The following TMEM63A variants were observed in gnomAD, a reference collection of about 807,000 sequenced individuals.
TMEM63A encodes mechanosensitive cation channel TMEM63A.
A neutral mutation model predicts 100.6 loss-of-function variants in TMEM63A; 76 were observed. The observed-to-expected ratio is 0.76, with a 90% CI of 0.63 to 0.91. The LOEUF is 0.91. Among genes scored for constraint, TMEM63A ranks in the 40% least tolerant of loss-of-function variants. The pLI, the probability that TMEM63A is intolerant of heterozygous loss-of-function variation, is 0.00. For synonymous variants in TMEM63A, 401 were observed against 401.1 expected, an observed-to-expected ratio of 1.00 and a Z score of 0.00; for missense variants, 876 against 1,008.8, an observed-to-expected ratio of 0.87 and a Z score of 1.78.
At chr1:225,845,297 C>G, downstream of TMEM63A, 1 of 1,612,704 alleles carries the variant, frequency 6.2e-7, no homozygotes. Context: ...GGAGCCGGAG[C>G]TGCTCGCCCA....
At chr1:225,845,354 C>A, downstream of TMEM63A, 2 of 1,590,036 alleles carry the variant, frequency 1.3e-6, no homozygotes, top group South Asian at 1.1e-5. Flanking sequence ...ATGACCCACC[C>A]CTCTCCCCCC....
In TMEM63A at chr1:225,867,967, G is replaced by A. The variant is rs1268817765; in HGVS notation, c.435C>T (p.His145=). 2.5e-6 allele frequency: 4 copies of A among 1,614,076 alleles called. No individual in the cohort carries two copies. The African/African-American group carries it at 4.0e-5, about 16-fold the overall frequency. ...TGACCACCACCAACAGGAAGATGAT[G>A]TGCCTCTGGAAGGACAGGTAGTGGA... ...DAIHYLSFQR[H]IIFLLVVVSF... The change falls in exon 7 of 25, where the codon CAC becomes CAT. Residue 145 remains histidine (H), a synonymous_variant. Transcript: ENST00000366835. The surrounding 1 kb of genome is among the most constrained non-coding windows in gnomAD (Gnocchi z 4.6).
chr1:225,877,714 A>G, intron 2 of TMEM63A, 120 bp from the exon 3 acceptor site: 1 of 895,338 alleles, frequency 1.1e-6, no homozygotes, highest in Non-Finnish European at 1.6e-6. Flanking sequence ...GCAGTGAGCC[A>G]GCAGCAAGGA....
chr1:225,844,271 G>C (rs1211242601), downstream of TMEM63A, among the ~76,000 whole-genome samples: 2 of 152,030 alleles, frequency 1.3e-5, no homozygotes, highest in Non-Finnish European at 2.9e-5. Context: ...AGGTGGGTGG[G>C]GGGAGGACCT....
chr1:225,862,160 T>C lies in TMEM63A; in HGVS notation c.1085+58A>G. ...ATCTCCACTCGAGAGGGACAGTGAG[T>C]TATCTGGAGGGGAACAGGGAGTCAG... On this transcript the variant is annotated intron_variant, in intron 13 of 24. Coordinates refer to ENST00000366835, the MANE Select transcript of TMEM63A (RefSeq NM_014698.3). The surrounding 1 kb of genome is among the most constrained non-coding windows in gnomAD (Gnocchi z 5.1). The C allele has an allele frequency of 6.2e-7, 1 of 1,600,564 alleles. No individual in the cohort carries two copies. The highest frequency in any genetic ancestry group is 8.5e-7 in the Non-Finnish European group (1 of 1,172,548).
downstream of TMEM63A, among the ~76,000 whole-genome samples, chr1:225,841,658 G>C (rs1225087959): frequency 1.4e-5 from 2 of 142,512 alleles, no homozygotes; most frequent in African/African-American, 2.7e-5. Flanking sequence ...CTAGAGTGCA[G>C]TGGTACGATC....
chr1:225,871,152 G>T (rs1411279628), intron 5 of TMEM63A, 39 bp from the exon 6 acceptor site: 6 of 1,605,756 alleles, frequency 3.7e-6, no homozygotes, highest in East Asian at 4.5e-5. Flanking sequence ...TCCAACATTT[G>T]TGTCTTTGAG....
At chr1:225,881,353 C>T (rs1325308326) in intron 1 of TMEM63A, among the ~76,000 whole-genome samples, 1 of 151,994 alleles carries the variant, frequency 6.6e-6, no homozygotes, top group African/African-American at 2.4e-5. Context: ...CCAAACAACA[C>T]CTGTAAAGCA....
rs1488923639 is a variant in TMEM63A, at chr1:225,872,038, C to G, written c.282G>C (p.Gln94His). 1 of 1,612,004 alleles carries G rather than the reference C, an allele frequency of 6.2e-7. No individual in the cohort carries two copies. The highest frequency in any genetic ancestry group is 1.3e-5 in the African/African-American group (1 of 74,546). ...CTGAGGAGGAAGTCGATGACAATCT[C>G]TGAAATCTGGACTCGCTAGAGACAC... ...VSEADSESRF[Q>H]RLSSTSSSGQ... Residue 94 changes from glutamine to histidine, a missense_variant, in exon 5 of 25, where the codon CAG becomes CAC. Gln to His is a conservative substitution (Grantham distance 24, BLOSUM62 0). Coordinates refer to ENST00000366835, the MANE Select transcript of TMEM63A (RefSeq NM_014698.3).
rs1670006259 is a variant in TMEM63A, at chr1:225,862,728, CAAGG to C, written c.827+39_827+42del. On this transcript the variant is annotated intron_variant, in intron 11 of 24. Transcript: ENST00000366835. The surrounding 1 kb of genome is among the most constrained non-coding windows in gnomAD (Gnocchi z 5.1). ...TCCTAGCTGGGAGATGCGAGGCCAG[CAAGG>C]AAGGAGGGGGCATCTTGCAAGGCCC... is the stretch of plus-strand genomic sequence containing the variant. The C allele has an allele frequency of 6.2e-7, 1 of 1,613,036 alleles. No individual in the cohort carries two copies. Among genetic ancestry groups the C allele is most frequent in the South Asian group, 1.1e-5 (1 of 91,022 alleles).
rs896394130 is a variant in TMEM63A at position 225,867,378 on chromosome 1, T to A, written c.515-215A>T. Among the ~76,000 whole-genome samples, 2 of 152,152 alleles carry A rather than the reference T, an allele frequency of 1.3e-5. No homozygotes were observed. The highest frequency in any genetic ancestry group is 2.4e-5 in the African/African-American group (1 of 41,426). On this transcript the variant is annotated intron_variant, in intron 7 of 24. Coordinates refer to ENST00000366835, the MANE Select transcript of TMEM63A (RefSeq NM_014698.3). This position sits in a 1 kb window ranked among gnomAD's most constrained non-coding sequence, Gnocchi z 4.6. Reference sequence around the variant, plus strand: ...TAACTTCTCAACCTTCCATTGCAGGTAAAGGCATAATGTGAATTCATTTTG... The same window carrying A: ...TAACTTCTCAACCTTCCATTGCAGGAAAAGGCATAATGTGAATTCATTTTG...
chr1:225,880,563 T>C (rs912825402), intron 1 of TMEM63A, among the ~76,000 whole-genome samples: 6 of 152,192 alleles, frequency 3.9e-5, no homozygotes, highest in African/African-American at 1.4e-4. Flanking sequence ...CCTAGATGTA[T>C]GTGAATGCCT....
rs868851244 is a variant in TMEM63A, at chr1:225,865,577, C to T, written c.746+320G>A. On this transcript the variant is annotated intron_variant, in intron 10 of 24. Coordinates refer to ENST00000366835, the MANE Select transcript of TMEM63A (RefSeq NM_014698.3). The surrounding 1 kb of genome is among the most constrained non-coding windows in gnomAD (Gnocchi z 4.6). ...TATTCTGCAAAGGTGATGCTAAGAA[C>T]CCCGGGGTCAACAATTTTTTCCCCC... The T allele has an allele frequency of 1.3e-4, 36 of 277,660 alleles. No individual in the cohort carries two copies. Among genetic ancestry groups the T allele is most frequent in the African/African-American group, 7.2e-4 (34 of 47,098 alleles). 17.2% of individuals were successfully genotyped at this position (277,660 alleles called of 1,614,324 possible). A position where few individuals can be genotyped will look rare whatever the true frequency, so the allele number is the denominator to read the frequency against.
chr1:225,869,229 A>G (rs1322412939), intron 6 of TMEM63A, among the ~76,000 whole-genome samples: 1 of 152,204 alleles, frequency 6.6e-6, no homozygotes, highest in Non-Finnish European at 1.5e-5. Context: ...GCAGGGGCTC[A>G]AGAGATAATA....
Position 225,867,198 on chromosome 1 carries a change from A to C in TMEM63A, c.515-35T>G. 6.2e-7 allele frequency: 1 copy of C among 1,612,396 alleles called. No individual in the cohort carries two copies. Among genetic ancestry groups the C allele is most frequent in the East Asian group, 2.2e-5 (1 of 44,860 alleles). On this transcript the variant is annotated intron_variant, in intron 7 of 24. Coordinates refer to ENST00000366835, the MANE Select transcript of TMEM63A (RefSeq NM_014698.3). The surrounding 1 kb of genome is among the most constrained non-coding windows in gnomAD (Gnocchi z 4.6). ...AGCACAGATACTTAGTTCCAGGGTC[A>C]TGTGGGGAAGCAGGAGGGGGCGTAA... is the stretch of plus-strand genomic sequence containing the variant.
intron 3 of TMEM63A, among the ~76,000 whole-genome samples, chr1:225,875,092 A>C (rs1196468836): frequency 1.3e-5 from 2 of 152,222 alleles, no homozygotes; most frequent in Non-Finnish European, 2.9e-5. Context: ...GCTGAGCCAG[A>C]AACGGTCAGT....
At chr1:225,842,159 T>C (rs955262886), downstream of TMEM63A, among the ~76,000 whole-genome samples, 1 of 152,218 alleles carries the variant, frequency 6.6e-6, no homozygotes, top group Non-Finnish European at 1.5e-5. Flanking sequence ...TGGGAAGGTA[T>C]CGTCCCTGTT....
chr1:225,867,960 A>C lies in TMEM63A; in HGVS notation c.442T>G (p.Phe148Val), dbSNP rs1327295206. 8.1e-6 allele frequency: 13 copies of C among 1,614,234 alleles called. No individual in the cohort carries two copies. Among genetic ancestry groups the C allele is most frequent in the Non-Finnish European group, 1.1e-5 (13 of 1,180,040 alleles). ...AAAAAGCTGACCACCACCAACAGGAAGATGATGTGCCTCTGGAAGGACAGG... is the reference window on the plus strand; with the variant it reads ...AAAAAGCTGACCACCACCAACAGGACGATGATGTGCCTCTGGAAGGACAGG... ...HYLSFQRHIIFLLVVVSFLSL... is the reference protein window; with the variant it reads ...HYLSFQRHIIVLLVVVSFLSL... The change falls in exon 7 of 25, where the codon TTC (phenylalanine) becomes GTC (valine). Residue 148 changes from phenylalanine to valine, a missense_variant. Around this residue, in one of 5 missense-constraint regions of TMEM63A, gnomAD observed 487 missense variants for 581.9 expected, o/e 0.84. Coordinates refer to ENST00000366835, the MANE Select transcript of TMEM63A (RefSeq NM_014698.3). The surrounding 1 kb of genome is among the most constrained non-coding windows in gnomAD (Gnocchi z 4.6).
At chr1:225,875,428 T>C (rs1291083017) in intron 3 of TMEM63A, among the ~76,000 whole-genome samples, 1 of 152,102 alleles carries the variant, frequency 6.6e-6, no homozygotes, top group African/African-American at 2.4e-5. Context: ...GAGAAATACA[T>C]CTTAGTAAGC....
Sources: allele counts gnomAD v4.1 joint callset (sites outside exome capture counted in the v4.1 genomes callset), GRCh38; gene constraint gnomAD v4.1.1; regional missense constraint gnomAD v4.1.1; non-coding constraint Gnocchi (gnomAD v3.1); transcripts MANE v1.5; gene names NCBI Gene and HGNC (gene_info 2026-07-23, HGNC 2026-07-21).